Variants in FDFT1 observed in about 807,000 individuals in gnomAD.
FDFT1 encodes the protein farnesyl-diphosphate farnesyltransferase 1.
FDFT1 carries 68 observed loss-of-function variants against 46.8 expected under a neutral mutation model. The observed-to-expected ratio is 1.45, with a 90% CI of 1.19 to 1.78. The LOEUF (loss-of-function observed/expected upper bound fraction) is 1.78, where lower values mean the gene tolerates loss of function less well. FDFT1 is among the 40% of genes most tolerant of loss of function. The pLI is 0.00. For synonymous variants in FDFT1, 351 were observed against 185.1 expected (o/e 1.90, Z -7.28); for missense variants, 928 against 524.4 (o/e 1.77, Z -7.52).
intron 1 of FDFT1, chr8:11,808,582 C>A (rs1807222036): frequency 7.2e-7 from 1 of 1,387,138 alleles, no homozygotes; most frequent in Non-Finnish European, 9.3e-7. Context: ...GTGCTGAGTC[C>A]CGCCGCGGCG....
intron 5 of FDFT1, among the ~76,000 whole-genome samples, chr8:11,828,402 G>A (rs569103031): frequency 3.3e-5 from 5 of 152,330 alleles, no homozygotes; most frequent in African/African-American, 2.4e-5. Flanking sequence ...AACCACTCTT[G>A]TCTTACCCCT....
intron 7 of FDFT1, among the ~76,000 whole-genome samples, chr8:11,836,945 G>T (rs1373198962): frequency 6.6e-6 from 1 of 152,148 alleles, no homozygotes; most frequent in African/African-American, 2.4e-5. Context: ...GAGATAAAAA[G>T]GTGAGTAAGT....
chr8:11,803,074 G>C (rs565429713), intron 1 of FDFT1, 143 bp downstream of exon 1: 13 of 1,447,632 alleles, frequency 9.0e-6, no homozygotes, highest in South Asian at 1.4e-5. Flanking sequence ...CCCTTTCCTC[G>C]AGCCTTCCCC....
chr8:11,819,335 C>A (rs1007335967), intron 3 of FDFT1, among the ~76,000 whole-genome samples: 1 of 152,068 alleles, frequency 6.6e-6, no homozygotes, highest in African/African-American at 2.4e-5. Flanking sequence ...CTTGGGATTG[C>A]GCTTCTCGAG....
At chr8:11,802,379 C>A (rs769546451), upstream of FDFT1, 2 of 453,850 alleles carry the variant, frequency 4.4e-6, no homozygotes, top group Non-Finnish European at 8.9e-6. Context: ...CGACTGCGGA[C>A]CACCGTTGGG....
At chr8:11,838,318 G>C in intron 7 of FDFT1, 70 bp from the exon 8 acceptor site, 1 of 1,179,988 alleles carries the variant, frequency 8.5e-7, no homozygotes, top group Non-Finnish European at 1.3e-6. Flanking sequence ...GCCAGTGGAG[G>C]GTTGTTGTAA....
intron 3 of FDFT1, among the ~76,000 whole-genome samples, chr8:11,816,628 C>G (rs7011491): frequency 0.19 from 28,548 of 152,100 alleles, 3,233 homozygotes; most frequent in African/African-American, 0.31. Flanking sequence ...CTCTTTGTAG[C>G]TATTGTGAAT....
intron 3 of FDFT1, among the ~76,000 whole-genome samples, chr8:11,810,693 A>G (rs566969407): frequency 6.4e-4 from 97 of 152,298 alleles, no homozygotes; most frequent in African/African-American, 2.3e-3. Context: ...ATGTCTTATC[A>G]CACAAATAAC....
At chr8:11,796,684 T>A (rs1181300026) in intron 1 of FDFT1, among the ~76,000 whole-genome samples, 1 of 152,200 alleles carries the variant, frequency 6.6e-6, no homozygotes, top group Non-Finnish European at 1.5e-5. Flanking sequence ...TTGAGGAGCC[T>A]ATTTGTTTTT....
rs1351256661 is a variant in FDFT1, at chr8:11,821,755, C to A, written c.387C>A (p.Ser129=). The A allele has an allele frequency of 5.6e-6, 9 of 1,613,008 alleles. No homozygotes were observed. The highest frequency in any genetic ancestry group is 7.6e-6 in the Non-Finnish European group (9 of 1,179,288). The part of the protein sequence containing the change: ...RQVLEDFPTI[S]LEFRNLAEKY... ...TTTTACGGTTTCCATTTCAGATCTC[C>A]CTTGAGTTTAGAAATCTGGCTGAGA... Residue 129 remains serine (S), a synonymous_variant, in exon 4 of 8, where the codon TCC becomes TCA. Transcript: ENST00000220584.
At chr8:11,838,292 T>A (rs548744798) in intron 7 of FDFT1, 96 bp from the exon 8 acceptor site, 6 of 902,548 alleles carry the variant, frequency 6.6e-6, no homozygotes, top group Middle Eastern at 4.9e-4. Context: ...ATTGGTAAAA[T>A]GGGTATAAAA....
chr8:11,818,786 A>T (rs943025938), intron 3 of FDFT1, among the ~76,000 whole-genome samples: 4 of 152,154 alleles, frequency 2.6e-5, no homozygotes, highest in Admixed American at 2.0e-4. Context: ...CAGCACAGTG[A>T]CGGGCCTTGA....
At chr8:11,832,551 CAAAAAAAAAAAA>C (rs531759815) in intron 7 of FDFT1, among the ~76,000 whole-genome samples, 6 of 36,376 alleles carry the variant, frequency 1.6e-4, no homozygotes, top group African/African-American at 4.9e-4. Flanking sequence ...GACTTTGTCT[CAAAAAAAAAAAA>C]AAAAAAAAAA....
At chr8:11,796,519 G>C (rs1805582060) in intron 1 of FDFT1, among the ~76,000 whole-genome samples, 1 of 152,230 alleles carries the variant, frequency 6.6e-6, no homozygotes, top group Non-Finnish European at 1.5e-5. Context: ...GCTGTAGTAA[G>C]GGAGTTTTGT....
intron 5 of FDFT1, among the ~76,000 whole-genome samples, chr8:11,827,925 G>T (rs948702769): frequency 2.0e-5 from 3 of 151,938 alleles, no homozygotes; most frequent in Non-Finnish European, 2.9e-5. Flanking sequence ...AAATTGGCCG[G>T]GCACAGTGAC....
intron 1 of FDFT1, among the ~76,000 whole-genome samples, chr8:11,806,366 A>G (rs1233992359): frequency 2.0e-5 from 3 of 152,134 alleles, no homozygotes; most frequent in East Asian, 3.9e-4. Flanking sequence ...TTTCCATAGT[A>G]TGCTTACTAG....
intron 3 of FDFT1, 132 bp from the exon 4 acceptor site, chr8:11,821,618 G>T (rs985727748): frequency 1.9e-6 from 2 of 1,071,432 alleles, no homozygotes; most frequent in African/African-American, 1.6e-5. Context: ...CAAAAAAAAT[G>T]TGTGACCTAA....
At chr8:11,836,713 CTATA>C (rs1280092198) in intron 7 of FDFT1, among the ~76,000 whole-genome samples, 1 of 152,248 alleles carries the variant, frequency 6.6e-6, no homozygotes, top group Non-Finnish European at 1.5e-5. Context: ...TATCTCATCA[CTATA>C]TATTTTACTT....
At chr8:11,817,297 C>A (rs1808590666) in intron 3 of FDFT1, among the ~76,000 whole-genome samples, 1 of 152,180 alleles carries the variant, frequency 6.6e-6, no homozygotes, top group African/African-American at 2.4e-5. Context: ...ATTTTCGCAT[C>A]AACGTTCATC....
Sources: allele counts gnomAD v4.1 joint callset (sites outside exome capture counted in the v4.1 genomes callset), GRCh38; gene constraint gnomAD v4.1.1; transcripts MANE v1.5; gene names NCBI Gene and HGNC (gene_info 2026-07-23, HGNC 2026-07-21).